Variants in PAQR5 observed in about 807,000 individuals in gnomAD.
The protein encoded by PAQR5 is progestin and adipoQ receptor family member 5.
A neutral mutation model predicts 34.5 loss-of-function variants in PAQR5; 20 were observed. That is an observed-to-expected ratio of 0.58 (90% CI 0.41 to 0.84). The LOEUF (loss-of-function observed/expected upper bound fraction) is 0.84. Ranked by LOEUF, PAQR5 falls within the 40% of genes least tolerant of loss-of-function variation. The pLI, the probability that PAQR5 is intolerant of heterozygous loss-of-function variation, is 0.00. For missense variants in PAQR5, 378 were observed against 412.7 expected, an observed-to-expected ratio of 0.92 and a Z score of 0.73; for synonymous variants, 131 against 155.6, an observed-to-expected ratio of 0.84 and a Z score of 1.18.
chr15:69,318,800 T>A (rs1374044517), intron 1 of PAQR5, among the ~76,000 whole-genome samples: 1 of 151,674 alleles, frequency 6.6e-6, no homozygotes, highest in African/African-American at 2.4e-5. Flanking sequence ...ACCACCATAA[T>A]AATAAAACAG....
At chr15:69,318,708 GT>G (rs2054011082) in intron 1 of PAQR5, among the ~76,000 whole-genome samples, 1 of 151,846 alleles carries the variant, frequency 6.6e-6, no homozygotes, top group Admixed American at 6.6e-5. Context: ...ACCACAGATA[GT>G]ACTAAACCTG....
At chr15:69,403,520 C>G in intron 8 of PAQR5, 61 bp from the exon 9 acceptor site, 1 of 1,522,254 alleles carries the variant, frequency 6.6e-7, no homozygotes, top group Non-Finnish European at 9.0e-7. Flanking sequence ...AATGCCATAG[C>G]ATGTATCAGT....
chr15:69,346,405 G>A (rs531632187), intron 2 of PAQR5, among the ~76,000 whole-genome samples: 13 of 132,876 alleles, frequency 9.8e-5, no homozygotes, highest in Admixed American at 4.5e-4. Context: ...TCCTGGGCCC[G>A]AGCCATTCTC....
chr15:69,327,773 G>A (rs1227097566), intron 1 of PAQR5, among the ~76,000 whole-genome samples: 1 of 152,002 alleles, frequency 6.6e-6, no homozygotes, highest in African/African-American at 2.4e-5. Flanking sequence ...GAGAGGTGAG[G>A]GGACAAACAG....
chr15:69,343,584 G>A (rs1386101421), intron 2 of PAQR5, among the ~76,000 whole-genome samples: 2 of 152,178 alleles, frequency 1.3e-5, no homozygotes. Flanking sequence ...ATGAACTTAA[G>A]CCAATTGCTT....
chr15:69,339,621 C>T (rs1275759429), intron 2 of PAQR5, among the ~76,000 whole-genome samples: 2 of 152,088 alleles, frequency 1.3e-5, no homozygotes, highest in Non-Finnish European at 2.9e-5. Flanking sequence ...CACAGGTGCA[C>T]ACCACCATGC....
Position 69,404,440 on chromosome 15 carries a change from G to GT in PAQR5, c.*619dup, listed in dbSNP as rs1364192725. On this transcript the variant is annotated 3_prime_UTR_variant, in exon 9 of 9. Coordinates refer to ENST00000395407, the MANE Select transcript of PAQR5 (RefSeq NM_017705.4). The stretch of plus-strand genomic sequence containing the variant: ...CACAAGTCCATTCTGCCTTCAAAGT[G>GT]TAAGTTCTCATGTCATTATGGATTT... The GT allele has an allele frequency of 6.6e-6, 1 of 152,642 alleles. No homozygotes were observed. Among genetic ancestry groups the GT allele is most frequent in the Non-Finnish European group, 1.5e-5 (1 of 68,386 alleles). 9.5% of individuals were successfully genotyped at this position (152,642 alleles called of 1,614,324 possible).
At position 69,385,006 on chromosome 15, in the gene PAQR5, G is replaced by A; in HGVS notation, c.385+124G>A. On this transcript the variant is annotated intron_variant, in intron 5 of 8. Transcript: ENST00000395407. The surrounding 1 kb of genome is among the most constrained non-coding windows in gnomAD (Gnocchi z 4.7). ...AGAAGAATCCAGGGATTATGCCAGTGCCCCTGTCCAGGTTCCCAATGGGTG... is the reference window on the plus strand; with the variant it reads ...AGAAGAATCCAGGGATTATGCCAGTACCCCTGTCCAGGTTCCCAATGGGTG... 6 of 684,804 alleles carry A rather than the reference G, an allele frequency of 8.8e-6. No individual in the cohort carries two copies. In the South Asian group the frequency reaches 1.1e-4, roughly 13 times the overall value. 42.4% of individuals were successfully genotyped at this position (684,804 alleles called of 1,614,324 possible).
intron 2 of PAQR5, among the ~76,000 whole-genome samples, chr15:69,352,986 G>A (rs943053162): frequency 6.6e-6 from 1 of 152,196 alleles, no homozygotes; most frequent in African/African-American, 2.4e-5. Context: ...TGGATAGAAT[G>A]ACCTGTTCTG....
chr15:69,379,630 A>G, intron 3 of PAQR5: 1 of 972,214 alleles, frequency 1.0e-6, no homozygotes, highest in Admixed American at 6.1e-5. Context: ...GGGGAATGCA[A>G]AGACAGGCTG....
chr15:69,379,779 C>A, intron 3 of PAQR5, 104 bp from the exon 4 acceptor site: 1 of 1,420,194 alleles, frequency 7.0e-7, no homozygotes, highest in Non-Finnish European at 9.5e-7. Flanking sequence ...GACTTGGGGT[C>A]AAGCGTTCCA....
intron 1 of PAQR5, among the ~76,000 whole-genome samples, chr15:69,332,058 C>A (rs926180076): frequency 2.6e-5 from 4 of 152,152 alleles, no homozygotes; most frequent in Non-Finnish European, 5.9e-5. Context: ...GAAATTCTTA[C>A]CAGCGAAGAT....
rs546001162 is a variant in PAQR5 at position 69,357,351 on chromosome 15, C to T, written c.-115-2615C>T. On this transcript the variant is annotated intron_variant, in intron 2 of 8. Coordinates refer to ENST00000395407, the MANE Select transcript of PAQR5 (RefSeq NM_017705.4). Reference sequence around the variant, plus strand: ...TGATCTCGGCTCACTGCAACCTCCACCTCCCAGGTTCAAGCAATTCTCCTG... The same window carrying T: ...TGATCTCGGCTCACTGCAACCTCCATCTCCCAGGTTCAAGCAATTCTCCTG... 6.1e-4 allele frequency among the ~76,000 whole-genome samples: 92 copies of T among 151,944 alleles called. 2 individuals carry two copies. The South Asian group carries it at 0.018, about 30-fold the overall frequency.
At position 69,384,799 on chromosome 15, in the gene PAQR5, C is replaced by A; in HGVS notation, c.302C>A (p.Ala101Glu). 1.2e-6 allele frequency: 2 copies of A among 1,613,874 alleles called. No homozygotes were observed. The highest frequency in any genetic ancestry group is 2.2e-5 in the South Asian group (2 of 91,078). Reference sequence around the variant, plus strand: ...GTGTACCCACTTGTGTCCAGCTGTGCGCACACCTTCAGCTCTATGTCCAAG... The same window carrying A: ...GTGTACCCACTTGTGTCCAGCTGTGAGCACACCTTCAGCTCTATGTCCAAG... ...SCVYPLVSSC[A>E]HTFSSMSKNA... Residue 101 changes from alanine to glutamate, a missense_variant, in exon 5 of 9, where the codon GCG becomes GAG. Physicochemically the swap from Ala to Glu is moderately radical, Grantham distance 107. Coordinates refer to ENST00000395407, the MANE Select transcript of PAQR5 (RefSeq NM_017705.4).
chr15:69,360,364 G>A lies in PAQR5; in HGVS notation c.51+233G>A, dbSNP rs113579289. On this transcript the variant is annotated intron_variant, in intron 3 of 8. Transcript: ENST00000395407. ...TGTAACCCTTCCTTGCAACATCTGT[G>A]TGTTATCCAGAAGCAAAGTCATTAC... Among the ~76,000 whole-genome samples the A allele has an allele frequency of 2.0e-5, 3 of 152,336 alleles. No homozygotes were observed. In the East Asian group the frequency reaches 5.8e-4, roughly 29 times the overall value.
chr15:69,322,773 G>GAC lies in PAQR5; in HGVS notation c.-276-14568_-276-14567insAC, dbSNP rs1566998016. On this transcript the variant is annotated intron_variant, in intron 1 of 8. Coordinates refer to ENST00000395407, the MANE Select transcript of PAQR5 (RefSeq NM_017705.4). ...AGAAGAAGAAGAAGAAGAAGAAGAG[G>GAC]GAGAAGAAGAAGACGAGGAAGAAGA... Among the ~76,000 whole-genome samples, 6 of 9,734 alleles carry GAC rather than the reference G, an allele frequency of 6.2e-4. No homozygotes were observed. In the East Asian group the frequency reaches 0.021, roughly 35 times the overall value. The allele number at this position is 9,734 out of a possible 152,430, so 6.4% of individuals were successfully genotyped here.
chr15:69,395,162 C>T (rs1481352588), intron 6 of PAQR5, among the ~76,000 whole-genome samples: 1 of 152,144 alleles, frequency 6.6e-6, no homozygotes, highest in East Asian at 1.9e-4. Flanking sequence ...CGCGGCAGGG[C>T]AGGGTCTGCC....
intron 1 of PAQR5, among the ~76,000 whole-genome samples, chr15:69,306,972 A>C (rs940297042): frequency 2.0e-5 from 3 of 152,212 alleles, no homozygotes; most frequent in Non-Finnish European, 4.4e-5. Flanking sequence ...AATTTCACTT[A>C]GCATAGTGTC....
intron 1 of PAQR5, among the ~76,000 whole-genome samples, chr15:69,315,493 G>A (rs1009330271): frequency 6.6e-6 from 1 of 152,152 alleles, no homozygotes; most frequent in South Asian, 2.1e-4. Context: ...TCAAGTCACA[G>A]GGGCTGGCCC....
Sources: gnomAD v4.1 joint callset for allele counts (sites outside exome capture counted in the v4.1 genomes callset) on GRCh38, gnomAD v4.1.1 for gene constraint, Gnocchi (gnomAD v3.1) non-coding constraint, MANE v1.5 for transcripts, NCBI Gene and HGNC (gene_info 2026-07-23, HGNC 2026-07-21) for gene names.